USP45: variants seen among roughly 807,000 people sequenced by gnomAD.
USP45 encodes ubiquitin carboxyl-terminal hydrolase 45.
In USP45, 89 loss-of-function variants were observed where a neutral mutation model predicts 95.8. That is an observed-to-expected ratio of 0.93 (90% CI 0.78 to 1.11). The LOEUF is 1.11. Among genes scored for constraint, USP45 ranks in the 50% least tolerant of loss-of-function variants. The pLI is 0.00. For missense variants in USP45, 898 were observed against 942.5 expected, an observed-to-expected ratio of 0.95 and a Z score of 0.62; for synonymous variants, 281 against 316.2, an observed-to-expected ratio of 0.89 and a Z score of 1.18.
chr6:99,503,893 A>T, intron 4 of USP45, 28 bp from the exon 5 acceptor site: 1 of 1,425,430 alleles, frequency 7.0e-7, no homozygotes, highest in Non-Finnish European at 9.5e-7. Context: ...TTAAGAAAAT[A>T]TTATGAAAAT....
chr6:99,515,451 C>T (rs1018458469), upstream of USP45: 6 of 152,240 alleles, frequency 3.9e-5, no homozygotes, highest in Non-Finnish European at 8.8e-5. Context: ...GCGCTCGTCC[C>T]GCTCCCGGCA....
intron 5 of USP45, among the ~76,000 whole-genome samples, chr6:99,502,253 T>C (rs535399985): frequency 5.9e-5 from 9 of 152,330 alleles, no homozygotes; most frequent in Admixed American, 5.9e-4. Context: ...ACACAGAAGC[T>C]TCACATTTGG....
At chr6:99,442,410 G>A (rs1363408835) in intron 15 of USP45, among the ~76,000 whole-genome samples, 1 of 152,174 alleles carries the variant, frequency 6.6e-6, no homozygotes. Context: ...GGATAGGGAT[G>A]GCAGGATGGA....
chr6:99,474,938 C>A (rs542882815), intron 9 of USP45, among the ~76,000 whole-genome samples: 2 of 152,290 alleles, frequency 1.3e-5, no homozygotes, highest in South Asian at 4.1e-4. Context: ...GATAGGCCTA[C>A]AATCAACACT....
chr6:99,496,113 G>A (rs1796231215), intron 5 of USP45, among the ~76,000 whole-genome samples: 1 of 151,998 alleles, frequency 6.6e-6, no homozygotes, highest in African/African-American at 2.4e-5. Flanking sequence ...TTAGAAACAT[G>A]ACTGTCACTT....
intron 13 of USP45, among the ~76,000 whole-genome samples, chr6:99,448,182 C>G (rs1782969172): frequency 6.6e-6 from 1 of 152,220 alleles, no homozygotes; most frequent in African/African-American, 2.4e-5. Context: ...CGGAACAAAG[C>G]TGGACGGAGA....
At chr6:99,457,030 CCA>C (rs1328458134) in intron 13 of USP45, among the ~76,000 whole-genome samples, 1 of 152,250 alleles carries the variant, frequency 6.6e-6, no homozygotes, top group East Asian at 1.9e-4. Context: ...GAAATAGACC[CCA>C]GTCTCCCATA....
chr6:99,480,612 C>T (rs1181500347), intron 8 of USP45, among the ~76,000 whole-genome samples: 1 of 150,744 alleles, frequency 6.6e-6, no homozygotes, highest in East Asian at 2.0e-4. Context: ...TGTGGTAAGC[C>T]AAAATCATAC....
intron 13 of USP45, among the ~76,000 whole-genome samples, chr6:99,450,592 T>C (rs1783633213): frequency 6.6e-6 from 1 of 152,196 alleles, no homozygotes; most frequent in African/African-American, 2.4e-5. Flanking sequence ...CACAGCCGAA[T>C]TCTACCAGAG....
intron 5 of USP45, among the ~76,000 whole-genome samples, chr6:99,498,596 A>C (rs1284187071): frequency 6.6e-6 from 1 of 152,238 alleles, no homozygotes; most frequent in Non-Finnish European, 1.5e-5. Context: ...AGAAAATATA[A>C]AGACAAATGT....
chr6:99,488,892 A>G (rs966760361), intron 5 of USP45, 72 bp from the exon 6 acceptor site: 1 of 1,122,366 alleles, frequency 8.9e-7, no homozygotes, highest in Non-Finnish European at 1.2e-6. Flanking sequence ...ATTTATATAC[A>G]TTATTTAAAA....
At chr6:99,455,950 A>G (rs1020476317) in intron 13 of USP45, among the ~76,000 whole-genome samples, 1 of 151,020 alleles carries the variant, frequency 6.6e-6, no homozygotes. Context: ...CTGGCTAACA[A>G]GGTGAAACCC....
In USP45 at chr6:99,461,754, T is replaced by C. The variant is rs573775630; in HGVS notation, c.1308+2850A>G. 5.8e-5 allele frequency: 57 copies of C among 984,894 alleles called. No individual in the cohort carries two copies. The South Asian group carries it at 2.5e-3, about 44-fold the overall frequency. The allele number at this position is 984,894 out of a possible 1,614,324, so 61.0% of individuals were successfully genotyped here. A position where few individuals can be genotyped will look rare whatever the true frequency, so the allele number is the denominator to read the frequency against. ...ATCAAATCAGTACTTGTGCCTCTAG[T>C]ATAATTTTAAAAGATGCAAGGTGCT... is the stretch of plus-strand genomic sequence containing the variant. On this transcript the variant is annotated intron_variant, in intron 13 of 17. Coordinates refer to ENST00000500704, the MANE Select transcript of USP45 (RefSeq NM_001346022.3).
intron 8 of USP45, 80 bp from the exon 9 acceptor site, chr6:99,476,310 T>A: frequency 7.3e-7 from 1 of 1,365,306 alleles, no homozygotes; most frequent in Non-Finnish European, 1.0e-6. Context: ...TAAATGCACT[T>A]GAAATAGCAT....
At chr6:99,500,152 TCTCA>T (rs1797084031) in intron 5 of USP45, among the ~76,000 whole-genome samples, 1 of 152,148 alleles carries the variant, frequency 6.6e-6, no homozygotes, top group Non-Finnish European at 1.5e-5. Flanking sequence ...TTTGAGACAG[TCTCA>T]CTCTGTCGCC....
At chr6:99,455,097 A>AAC (rs370552457) in intron 13 of USP45, among the ~76,000 whole-genome samples, 3 of 148,246 alleles carry the variant, frequency 2.0e-5, no homozygotes, top group Admixed American at 6.8e-5. Context: ...CTCAAAAAAA[A>AAC]AAAAACAAAA....
In USP45 at chr6:99,446,023, A is replaced by C; in HGVS notation, c.1749T>G (p.Ile583Met). 1 of 1,614,036 alleles carries C rather than the reference A, an allele frequency of 6.2e-7. No homozygotes were observed. The highest frequency in any genetic ancestry group is 8.5e-7 in the Non-Finnish European group (1 of 1,180,026). ...CCTCTAAAAAACATAAATTATTTGA[A>C]ATATTTAGTGGCTGATTTTCTCTGT... ...DFDRENQPLN[I>M]SNNLCFLEGK... The change falls in exon 14 of 18, where the codon ATT (isoleucine) becomes ATG (methionine). Residue 583 changes from isoleucine (I) to methionine (M), a missense_variant. Coordinates refer to ENST00000500704, the MANE Select transcript of USP45 (RefSeq NM_001346022.3).
At chr6:99,435,965 G>GT (rs1780389422) in intron 17 of USP45, 119 bp from the exon 18 acceptor site, 9 of 1,060,820 alleles carry the variant, frequency 8.5e-6, no homozygotes, top group Non-Finnish European at 1.2e-5. Context: ...TACCTGAGAA[G>GT]CCTGTTTTTT....
rs764042191 is a variant in USP45 at position 99,508,808 on chromosome 6, A to C, written c.101-26T>G. 5.7e-6 allele frequency: 9 copies of C among 1,582,050 alleles called. No individual in the cohort carries two copies. The East Asian group carries it at 9.1e-5, about 16-fold the overall frequency. On this transcript the variant is annotated intron_variant, in intron 2 of 17. Transcript: ENST00000500704. ...CTGAATAAGATAAAACAAAATCTCA[A>C]CATTTTCTTTGCTACACCAAAGTGC...
Sources: gnomAD v4.1 joint callset for allele counts (sites outside exome capture counted in the v4.1 genomes callset) on GRCh38, gnomAD v4.1.1 for gene constraint, MANE v1.5 for transcripts, NCBI Gene and HGNC (gene_info 2026-07-23, HGNC 2026-07-21) for gene names.